Variants in CNTN4 observed in about 807,000 individuals in gnomAD.
CNTN4 encodes contactin 4, also known as contactin-4.
CNTN4 carries 77 observed loss-of-function variants against 122.5 expected under a neutral mutation model. The ratio of observed to expected loss-of-function variants is 0.63; its 90% CI spans 0.52 to 0.76. The LOEUF (loss-of-function observed/expected upper bound fraction) is 0.76. CNTN4 is among the 30% of genes least tolerant of loss of function. CNTN4 has a pLI of 0.00. For synonymous variants in CNTN4, 512 were observed against 447.0 expected (o/e 1.15, Z -1.83); for missense variants, 1,256 against 1,259.1 (o/e 1.00, Z 0.04).
At chr3:2,376,632 A>C (rs116691375) in intron 3 of CNTN4, among the ~76,000 whole-genome samples, 161 of 149,054 alleles carry the variant, frequency 1.1e-3, no homozygotes, top group African/African-American at 3.9e-3. Flanking sequence ...CCCAGTTCTC[A>C]ATTTTCATGT....
intron 3 of CNTN4, among the ~76,000 whole-genome samples, chr3:2,414,562 T>C (rs954730971): frequency 2.0e-5 from 3 of 152,156 alleles, no homozygotes; most frequent in African/African-American, 7.2e-5. Flanking sequence ...CACTTGTTAA[T>C]AGTAATTGAT....
intron 3 of CNTN4, among the ~76,000 whole-genome samples, chr3:2,427,323 T>G (rs1387639487): frequency 2.6e-5 from 4 of 152,236 alleles, no homozygotes; most frequent in African/African-American, 9.6e-5. Context: ...CTTCATTTCG[T>G]TATGTACCCA....
intron 8 of CNTN4, among the ~76,000 whole-genome samples, chr3:2,876,879 G>A (rs546861766): frequency 6.6e-6 from 1 of 152,170 alleles, no homozygotes; most frequent in Non-Finnish European, 1.5e-5. Flanking sequence ...GTTTATTAAT[G>A]TTAGGTGGAA....
At chr3:2,761,239 G>A (rs775670334) in intron 6 of CNTN4, among the ~76,000 whole-genome samples, 12 of 152,144 alleles carry the variant, frequency 7.9e-5, no homozygotes, top group African/African-American at 2.9e-4. Context: ...AGGTCTTTCA[G>A]TCTTCCTGTT....
chr3:2,460,727 C>G (rs945197099), intron 3 of CNTN4, among the ~76,000 whole-genome samples: 6 of 152,276 alleles, frequency 3.9e-5, no homozygotes, highest in African/African-American at 1.4e-4. Flanking sequence ...CAACGCAAAT[C>G]TTTTCTTATA....
At chr3:2,764,916 C>T (rs1291722866) in intron 6 of CNTN4, among the ~76,000 whole-genome samples, 4 of 152,180 alleles carry the variant, frequency 2.6e-5, no homozygotes, top group Non-Finnish European at 5.9e-5. Context: ...AAACTTCACA[C>T]AGCTGGGAAG....
chr3:2,575,459 C>T (rs949950149), intron 4 of CNTN4, among the ~76,000 whole-genome samples: 43 of 152,160 alleles, frequency 2.8e-4, no homozygotes, highest in African/African-American at 6.7e-4. Context: ...TGCAGTGAGC[C>T]GAGATCGTAC....
chr3:3,024,083 G>C (rs1319666263), intron 14 of CNTN4, among the ~76,000 whole-genome samples: 1 of 152,152 alleles, frequency 6.6e-6, no homozygotes, highest in African/African-American at 2.4e-5. Context: ...TTCAGCCTCT[G>C]TTATATGTGT....
chr3:3,037,216 C>A lies in CNTN4; in HGVS notation c.1980C>A (p.Thr660=). The change falls in exon 18 of 25, where the codon ACC becomes ACA. Residue 660 remains threonine (T), a synonymous_variant. Coordinates refer to ENST00000418658, the MANE Select transcript of CNTN4 (RefSeq NM_175607.3). The stretch of plus-strand genomic sequence containing the variant: ...TTGATGGGAAGACATTCACAGCGAC[C>A]GTGGTGGGTTTGAACCCTTGGGTTG... The part of the protein sequence containing the change: ...ELIDGKTFTA[T]VVGLNPWVEY... 1 of 1,614,164 alleles carries A rather than the reference C, an allele frequency of 6.2e-7. No homozygotes were observed. Among genetic ancestry groups the A allele is most frequent in the Non-Finnish European group, 8.5e-7 (1 of 1,180,032 alleles).
chr3:2,560,833 G>C (rs2078920501), intron 3 of CNTN4, among the ~76,000 whole-genome samples: 1 of 152,154 alleles, frequency 6.6e-6, no homozygotes, highest in Non-Finnish European at 1.5e-5. Flanking sequence ...TCAGTTACTA[G>C]ATGTTCAGTC....
chr3:2,329,515 C>A (rs1250859540), intron 2 of CNTN4, among the ~76,000 whole-genome samples: 2 of 147,954 alleles, frequency 1.4e-5, no homozygotes, highest in African/African-American at 2.5e-5. Flanking sequence ...AAAAATATAT[C>A]CCTGTGTAAT....
At position 2,988,492 on chromosome 3, in the gene CNTN4, A is replaced by G; in HGVS notation, c.1486+20A>G. 6.2e-7 allele frequency: 1 copy of G among 1,613,188 alleles called. No homozygotes were observed. The highest frequency in any genetic ancestry group is 8.5e-7 in the Non-Finnish European group (1 of 1,179,270). ...TGAAAGGTAATGGCTAACCCAAAGAATTCGAATATTTATATATGTGTCCTC... is the reference window on the plus strand; with the variant it reads ...TGAAAGGTAATGGCTAACCCAAAGAGTTCGAATATTTATATATGTGTCCTC... On this transcript the variant is annotated intron_variant, in intron 14 of 24. Coordinates refer to ENST00000418658, the MANE Select transcript of CNTN4 (RefSeq NM_175607.3).
chr3:2,347,408 A>ACCTT (rs2044437913), intron 3 of CNTN4, among the ~76,000 whole-genome samples: 2 of 43,756 alleles, frequency 4.6e-5, no homozygotes, highest in East Asian at 1.1e-3. Flanking sequence ...AGGAAATACA[A>ACCTT]TCTTTTTTTT....
At chr3:2,523,303 T>C (rs1262508852) in intron 3 of CNTN4, among the ~76,000 whole-genome samples, 2 of 151,208 alleles carry the variant, frequency 1.3e-5, no homozygotes, top group African/African-American at 4.9e-5. Context: ...CTTAGTAACA[T>C]TGCATATTAT....
At chr3:2,886,669 G>T (rs954816017) in intron 9 of CNTN4, among the ~76,000 whole-genome samples, 4 of 151,446 alleles carry the variant, frequency 2.6e-5, no homozygotes, top group Admixed American at 6.6e-5. Flanking sequence ...CTGCCACCAT[G>T]CCCGGGTAAT....
chr3:2,685,129 G>C (rs898836406), intron 4 of CNTN4, among the ~76,000 whole-genome samples: 9 of 152,034 alleles, frequency 5.9e-5, no homozygotes, highest in African/African-American at 1.9e-4. Context: ...GTCTACATTA[G>C]CTACCATCTG....
intron 2 of CNTN4, among the ~76,000 whole-genome samples, chr3:2,116,438 G>A (rs1454601611): frequency 1.3e-5 from 2 of 151,956 alleles, no homozygotes; most frequent in African/African-American, 4.8e-5. Flanking sequence ...TGGGAGCTTT[G>A]GAAGAAAATA....
At chr3:2,615,078 T>C (rs1022891317) in intron 4 of CNTN4, among the ~76,000 whole-genome samples, 1 of 152,138 alleles carries the variant, frequency 6.6e-6, no homozygotes, top group Admixed American at 6.6e-5. Context: ...AAGTTTTATG[T>C]TATTAGCTTT....
At chr3:2,299,849 CAT>C (rs1318677310) in intron 2 of CNTN4, among the ~76,000 whole-genome samples, 3 of 152,068 alleles carry the variant, frequency 2.0e-5, no homozygotes, top group Admixed American at 6.6e-5. Flanking sequence ...TTATCTAAAA[CAT>C]AATAGTAAAT....
Sources: gnomAD v4.1 joint callset for allele counts (sites outside exome capture counted in the v4.1 genomes callset) on GRCh38, gnomAD v4.1.1 for gene constraint, MANE v1.5 for transcripts, NCBI Gene and HGNC (gene_info 2026-07-23, HGNC 2026-07-21) for gene names.